CCSER1: variants seen among roughly 807,000 people sequenced by gnomAD.
CCSER1 encodes the protein coiled-coil serine rich protein 1.
CCSER1 carries 41 observed loss-of-function variants against 82.0 expected under a neutral mutation model. The ratio of observed to expected loss-of-function variants is 0.50; its 90% CI spans 0.39 to 0.65. The LOEUF (loss-of-function observed/expected upper bound fraction) is 0.65, where lower values mean the gene tolerates loss of function less well. Among genes scored for constraint, CCSER1 ranks in the 30% least tolerant of loss-of-function variants. The probability of loss-of-function intolerance (pLI) is 0.00; values close to 1 mark genes in which losing one functional copy is unlikely to be tolerated. For synonymous variants in CCSER1, 414 were observed against 383.9 expected (o/e 1.08, Z -0.92); for missense variants, 1,119 against 1,064.2 (o/e 1.05, Z -0.72).
chr4:90,258,104 TA>T (rs1237531169), intron 1 of CCSER1, among the ~76,000 whole-genome samples: 2 of 152,180 alleles, frequency 1.3e-5, no homozygotes, highest in African/African-American at 4.8e-5. Context: ...ATCTCAAACT[TA>T]AGGTTCCAGA....
chr4:90,693,590 TATTG>T (rs1316565083), intron 6 of CCSER1: 2 of 152,024 alleles, frequency 1.3e-5, no homozygotes, highest in Non-Finnish European at 2.9e-5. Flanking sequence ...AAAGGTGTCC[TATTG>T]ATTGTTCAGG....
chr4:90,476,192 T>C (rs1250347361), intron 5 of CCSER1, among the ~76,000 whole-genome samples: 1 of 152,164 alleles, frequency 6.6e-6, no homozygotes, highest in East Asian at 1.9e-4. Flanking sequence ...GCCCTGCATG[T>C]GAGAGAACTG....
chr4:91,186,301 C>T (rs780189562), intron 10 of CCSER1, among the ~76,000 whole-genome samples: 1 of 152,074 alleles, frequency 6.6e-6, no homozygotes, highest in Non-Finnish European at 1.5e-5. Context: ...TACTCTCCTT[C>T]CTCCTCCTCA....
At chr4:91,008,941 G>GGGGA (rs1325914814) in intron 9 of CCSER1, among the ~76,000 whole-genome samples, 1 of 152,202 alleles carries the variant, frequency 6.6e-6, no homozygotes, top group African/African-American at 2.4e-5. Context: ...GAAGAGAGCT[G>GGGGA]GGGAACCCAG....
intron 10 of CCSER1, among the ~76,000 whole-genome samples, chr4:91,358,681 A>G (rs1213507866): frequency 6.6e-6 from 1 of 152,180 alleles, no homozygotes; most frequent in Non-Finnish European, 1.5e-5. Flanking sequence ...TCCAAAGACT[A>G]GTCTTACCAA....
chr4:90,902,232 T>C (rs2150153760), intron 8 of CCSER1, among the ~76,000 whole-genome samples: 1 of 152,124 alleles, frequency 6.6e-6, no homozygotes, highest in South Asian at 2.1e-4. Context: ...ATTTTAACTT[T>C]CTCTTGGATC....
intron 8 of CCSER1, among the ~76,000 whole-genome samples, chr4:90,870,427 C>T (rs997800420): frequency 6.6e-6 from 1 of 151,618 alleles, no homozygotes; most frequent in Non-Finnish European, 1.5e-5. Flanking sequence ...TTATTAAATT[C>T]TTTTTCCGTG....
At chr4:90,352,051 G>A (rs77858422) in intron 3 of CCSER1, among the ~76,000 whole-genome samples, 8,584 of 152,206 alleles carry the variant, frequency 0.056, 334 homozygotes, top group East Asian at 0.19. Context: ...TAGGCCGGGC[G>A]CAGCGGCTCA....
At chr4:90,751,112 C>T (rs1277932904) in intron 7 of CCSER1, among the ~76,000 whole-genome samples, 10 of 152,054 alleles carry the variant, frequency 6.6e-5, no homozygotes, top group Non-Finnish European at 4.4e-5. Flanking sequence ...TAAAGATTCA[C>T]ATATTCTAAA....
At chr4:90,787,640 A>T (rs1561135848) in intron 7 of CCSER1, among the ~76,000 whole-genome samples, 3 of 152,054 alleles carry the variant, frequency 2.0e-5, no homozygotes, top group African/African-American at 4.8e-5. Flanking sequence ...ATTTATTCAA[A>T]TTTTTTCCCA....
intron 10 of CCSER1, among the ~76,000 whole-genome samples, chr4:91,235,633 C>A (rs1738940897): frequency 6.6e-6 from 1 of 151,898 alleles, no homozygotes; most frequent in Admixed American, 6.6e-5. Context: ...TGTACTTATC[C>A]AAAATAGGGC....
intron 5 of CCSER1, among the ~76,000 whole-genome samples, chr4:90,545,257 A>G (rs1053085062): frequency 2.6e-5 from 4 of 152,118 alleles, no homozygotes; most frequent in African/African-American, 9.7e-5. Flanking sequence ...GCATACATAT[A>G]TGTGACTTGA....
chr4:91,267,115 G>A (rs911899643), intron 10 of CCSER1, among the ~76,000 whole-genome samples: 2 of 152,058 alleles, frequency 1.3e-5, no homozygotes, highest in African/African-American at 2.4e-5. Context: ...ATGTTAATTG[G>A]AGAAGTGGTA....
At chr4:91,216,888 G>C (rs1737285918) in intron 10 of CCSER1, among the ~76,000 whole-genome samples, 1 of 152,134 alleles carries the variant, frequency 6.6e-6, no homozygotes, top group Non-Finnish European at 1.5e-5. Context: ...AAACAATATT[G>C]ATATGAGAAA....
At chr4:91,422,352 A>T (rs1203550012) in intron 10 of CCSER1, among the ~76,000 whole-genome samples, 1 of 152,066 alleles carries the variant, frequency 6.6e-6, no homozygotes, top group African/African-American at 2.4e-5. Context: ...ACACCACAGC[A>T]CAGGGATCTT....
chr4:90,563,841 A>G (rs1779060003), intron 5 of CCSER1, among the ~76,000 whole-genome samples: 2 of 152,088 alleles, frequency 1.3e-5, no homozygotes. Context: ...TTCATTTTTA[A>G]TTTTTTGAGG....
intron 1 of CCSER1, among the ~76,000 whole-genome samples, chr4:90,169,419 C>T (rs909254272): frequency 6.6e-6 from 1 of 152,076 alleles, no homozygotes. Flanking sequence ...ATGTCATCTG[C>T]AAACAGGGAC....
At chr4:91,113,242 C>T (rs953120769) in intron 10 of CCSER1, among the ~76,000 whole-genome samples, 1 of 152,100 alleles carries the variant, frequency 6.6e-6, no homozygotes. Flanking sequence ...ATACAACAAA[C>T]GCATGACATT....
At chr4:90,547,857 T>G (rs1776964705) in intron 5 of CCSER1, among the ~76,000 whole-genome samples, 1 of 152,156 alleles carries the variant, frequency 6.6e-6, no homozygotes, top group Non-Finnish European at 1.5e-5. Flanking sequence ...AAAGTCTACT[T>G]TATGCCATTT....
Sources: gnomAD v4.1 joint callset for allele counts (sites outside exome capture counted in the v4.1 genomes callset) on GRCh38, gnomAD v4.1.1 for gene constraint, MANE v1.5 for transcripts, NCBI Gene and HGNC (gene_info 2026-07-23, HGNC 2026-07-21) for gene names.